Variants in INPP4B observed in about 807,000 individuals in gnomAD.
INPP4B encodes inositol polyphosphate-4-phosphatase type II B.
INPP4B carries 55 observed loss-of-function variants against 122.5 expected under a neutral mutation model. That is an observed-to-expected ratio of 0.45 (90% CI 0.36 to 0.56). The LOEUF (loss-of-function observed/expected upper bound fraction) is 0.56. Among genes scored for constraint, INPP4B ranks in the 20% least tolerant of loss-of-function variants. The pLI is 0.00. For missense variants in INPP4B, 1,000 were observed against 1,097.7 expected (o/e 0.91, Z 1.26); for synonymous variants, 403 against 388.7 (o/e 1.04, Z -0.43).
In INPP4B at chr4:142,177,991, C is replaced by T. The variant is rs28401585; in HGVS notation, c.1182-4182G>A. Among the ~76,000 whole-genome samples the T allele has an allele frequency of 5.8e-3, 878 of 152,234 alleles. 7 individuals are homozygous for T. Among genetic ancestry groups the T allele is most frequent in the African/African-American group, 0.02 (833 of 41,550 alleles). ...TAAGTAATCTCATGGTTTAAATACA[C>T]ATGTTGCACTAATGATTTCCAAATC... On this transcript the variant is annotated intron_variant, in intron 15 of 25. Transcript: ENST00000262992.
chr4:142,739,126 A>C (rs1319789637), intron 1 of INPP4B, among the ~76,000 whole-genome samples: 5 of 152,228 alleles, frequency 3.3e-5, no homozygotes, highest in South Asian at 4.1e-4. Flanking sequence ...ACCATCAAAT[A>C]AACTTCAAAA....
intron 7 of INPP4B, among the ~76,000 whole-genome samples, chr4:142,315,550 TGG>T (rs1170619680): frequency 6.6e-6 from 1 of 152,004 alleles, no homozygotes; most frequent in East Asian, 1.9e-4. Flanking sequence ...TTCAAACTCT[TGG>T]TGCGCCTCCA....
intron 11 of INPP4B, among the ~76,000 whole-genome samples, chr4:142,257,197 G>C (rs1170556523): frequency 6.6e-6 from 1 of 151,934 alleles, no homozygotes; most frequent in Non-Finnish European, 1.5e-5. Flanking sequence ...GTATTGACGG[G>C]ACGTATCTCA....
chr4:142,403,133 T>G, intron 6 of INPP4B, 79 bp from the exon 7 acceptor site: 1 of 782,452 alleles, frequency 1.3e-6, no homozygotes, highest in Non-Finnish European at 2.3e-6. Context: ...CACATGAGAA[T>G]GCAGAAAGTG....
intron 1 of INPP4B, among the ~76,000 whole-genome samples, chr4:142,741,325 T>C (rs1414465108): frequency 6.6e-6 from 1 of 151,260 alleles, no homozygotes; most frequent in Non-Finnish European, 1.5e-5. Context: ...AGAGTGGGAG[T>C]AGGAGAGAGA....
At chr4:142,123,171 A>AT in intron 20 of INPP4B, 121 bp downstream of exon 20, 2 of 792,648 alleles carry the variant, frequency 2.5e-6, no homozygotes, top group Non-Finnish European at 1.9e-6. Context: ...AAGTTATATT[A>AT]TTTTTGTAAT....
intron 18 of INPP4B, among the ~76,000 whole-genome samples, chr4:142,134,495 T>G (rs1288198364): frequency 6.6e-6 from 1 of 152,174 alleles, no homozygotes; most frequent in Admixed American, 6.5e-5. Flanking sequence ...AAAAATGTAC[T>G]TTACATGGCA....
intron 1 of INPP4B, among the ~76,000 whole-genome samples, chr4:142,815,567 T>G (rs1323031016): frequency 6.6e-6 from 1 of 152,148 alleles, no homozygotes; most frequent in East Asian, 1.9e-4. Flanking sequence ...TTCATTCTTT[T>G]AAACGTAAGC....
At chr4:142,611,366 G>A (rs926226195) in intron 2 of INPP4B, among the ~76,000 whole-genome samples, 5 of 152,028 alleles carry the variant, frequency 3.3e-5, no homozygotes, top group South Asian at 2.1e-4. Context: ...ACACAGACAC[G>A]AACCATACCA....
At chr4:142,468,453 G>A (rs566696765) in intron 2 of INPP4B, among the ~76,000 whole-genome samples, 57 of 152,280 alleles carry the variant, frequency 3.7e-4, no homozygotes, top group Non-Finnish European at 6.0e-4. Flanking sequence ...TGATTCGGAC[G>A]TTAGCTCCTC....
chr4:142,267,092 G>A (rs770285334), intron 10 of INPP4B, among the ~76,000 whole-genome samples: 11 of 152,080 alleles, frequency 7.2e-5, no homozygotes, highest in African/African-American at 2.7e-4. Context: ...TCCCATGCTC[G>A]TGGATTGGAA....
At chr4:142,738,222 G>A (rs558256171) in intron 1 of INPP4B, among the ~76,000 whole-genome samples, 262 of 152,192 alleles carry the variant, frequency 1.7e-3, no homozygotes, top group Non-Finnish European at 3.1e-3. Context: ...ATGTCCAACA[G>A]TGATAGACTG....
At chr4:142,771,954 G>C (rs1046015771) in intron 1 of INPP4B, among the ~76,000 whole-genome samples, 1 of 152,092 alleles carries the variant, frequency 6.6e-6, no homozygotes, top group Non-Finnish European at 1.5e-5. Flanking sequence ...ATTTGTCAAT[G>C]AGCTGAGAGA....
intron 2 of INPP4B, among the ~76,000 whole-genome samples, chr4:142,570,332 C>T (rs959943743): frequency 6.6e-6 from 1 of 151,892 alleles, no homozygotes; most frequent in Non-Finnish European, 1.5e-5. Flanking sequence ...ACACTTGTTC[C>T]TATAGCCACT....
intron 2 of INPP4B, among the ~76,000 whole-genome samples, chr4:142,721,603 A>G (rs1231299267): frequency 6.6e-6 from 1 of 152,106 alleles, no homozygotes; most frequent in African/African-American, 2.4e-5. Flanking sequence ...CGGGTGGATC[A>G]TGAGGTCAGG....
intron 11 of INPP4B, among the ~76,000 whole-genome samples, chr4:142,251,755 G>T (rs1355518042): frequency 6.6e-6 from 1 of 152,126 alleles, no homozygotes; most frequent in African/African-American, 2.4e-5. Flanking sequence ...CAGAGCCAAA[G>T]GGATGCCTCT....
intron 2 of INPP4B, among the ~76,000 whole-genome samples, chr4:142,536,867 G>T (rs1187516367): frequency 2.0e-5 from 3 of 152,090 alleles, no homozygotes; most frequent in Non-Finnish European, 4.4e-5. Flanking sequence ...TCTTGGCTCG[G>T]CTCACTGCAA....
intron 8 of INPP4B, among the ~76,000 whole-genome samples, chr4:142,307,080 A>G (rs1763664733): frequency 6.6e-6 from 1 of 152,214 alleles, no homozygotes; most frequent in Non-Finnish European, 1.5e-5. Flanking sequence ...ATTTGTGGAA[A>G]CAAGCTCTGA....
chr4:142,286,375 T>C (rs752284757), intron 9 of INPP4B, among the ~76,000 whole-genome samples: 15 of 152,182 alleles, frequency 9.9e-5, no homozygotes, highest in Non-Finnish European at 1.5e-4. Context: ...TATATTTTGG[T>C]ATTTGGCAGA....
Sources: gnomAD v4.1 joint callset for allele counts (sites outside exome capture counted in the v4.1 genomes callset) on GRCh38, gnomAD v4.1.1 for gene constraint, MANE v1.5 for transcripts, NCBI Gene and HGNC (gene_info 2026-07-23, HGNC 2026-07-21) for gene names.